The following BARD1 variants were observed in gnomAD, a reference collection of about 807,000 sequenced individuals.
The protein encoded by BARD1 is BRCA1-associated RING domain protein 1.
BARD1 carries 73 observed loss-of-function variants against 77.0 expected under a neutral mutation model. That is an observed-to-expected ratio of 0.95 (90% confidence interval 0.79 to 1.15). The LOEUF is 1.15. Ranked by LOEUF, BARD1 falls within the 50% of genes most tolerant of loss-of-function variation. BARD1 has a pLI of 0.00. For synonymous variants in BARD1, 384 were observed against 338.0 expected (o/e 1.14, Z -1.49); for missense variants, 993 against 938.8 (o/e 1.06, Z -0.75).
chr2:214,763,137 T>C (rs1325869762), intron 6 of BARD1, among the ~76,000 whole-genome samples: 1 of 152,200 alleles, frequency 6.6e-6, no homozygotes, highest in Non-Finnish European at 1.5e-5. Context: ...GAAGAAGCAG[T>C]CTGGCCTTGA....
chr2:214,767,680 T>G (rs1694280991), intron 5 of BARD1, 26 bp from the exon 6 acceptor site: 2 of 1,605,034 alleles, frequency 1.2e-6, no homozygotes, highest in Middle Eastern at 1.7e-4. Context: ...GAAAAAGAAG[T>G]GAAAGAAGTG....
chr2:214,809,661 C>G lies in BARD1; in HGVS notation c.-92G>C. 1 of 1,477,086 alleles carries G rather than the reference C, an allele frequency of 6.8e-7. No homozygotes were observed. Among genetic ancestry groups the G allele is most frequent in the Non-Finnish European group, 9.1e-7 (1 of 1,098,226 alleles). The allele number at this position is 1,477,086 out of a possible 1,614,324, so 91.5% of individuals were successfully genotyped here. ...GAAGCTGCAGGCCAGCGACTCGAAACCGGCCAAGCTCTTCCCGCGTCTGGG... is the reference window on the plus strand; with the variant it reads ...GAAGCTGCAGGCCAGCGACTCGAAAGCGGCCAAGCTCTTCCCGCGTCTGGG... On this transcript the variant is annotated 5_prime_UTR_variant, in exon 1 of 11. Transcript: ENST00000260947.
chr2:214,791,130 AAAGT>A lies in BARD1; in HGVS notation c.364+1163_364+1166del, dbSNP rs374608993. ...AAATGTGTGTGTATAGTTACATCTG[AAAGT>A]AAGAAAAACTTCTGCACTACAGCAC... On this transcript the variant is annotated intron_variant, in intron 3 of 10. Transcript: ENST00000260947. Among the ~76,000 whole-genome samples, 925 of 152,306 alleles carry A rather than the reference AAAGT, an allele frequency of 6.1e-3. 11 individuals are homozygous for A. Among genetic ancestry groups the A allele is most frequent in the African/African-American group, 0.02 (836 of 41,574 alleles).
intron 7 of BARD1, among the ~76,000 whole-genome samples, chr2:214,751,134 TATATATATATA>T (rs1693410440): frequency 2.3e-5 from 1 of 42,966 alleles, no homozygotes; most frequent in East Asian, 5.6e-4. Flanking sequence ...TATATATATA[TATATATATATA>T]TATATATTTT....
rs1262122385 is a variant in BARD1, at chr2:214,752,465, T to C, written c.1659A>G (p.Ser553=). The change falls in exon 7 of 11, where the codon TCA becomes TCG. Residue 553 remains serine, a synonymous_variant. Transcript: ENST00000260947. ...LLLPEKNESS[S]ASHCSVMNTG... ...TACTTACTACTGAGCAGTGGCTAGC[T>C]GAGGATGATTCATTCTTCTCTGGTA... The C allele has an allele frequency of 6.2e-7, 1 of 1,612,490 alleles. No individual in the cohort carries two copies. Among genetic ancestry groups the C allele is most frequent in the South Asian group, 1.1e-5 (1 of 91,044 alleles).
chr2:214,726,378 T>C lies in BARD1; in HGVS notation c.*2298A>G, dbSNP rs542528877. 8 of 206,522 alleles carry C rather than the reference T, an allele frequency of 3.9e-5. No homozygotes were observed. The highest frequency in any genetic ancestry group is 1.6e-4 in the African/African-American group (7 of 44,128). The allele number at this position is 206,522 out of a possible 1,614,324, so 12.8% of individuals were successfully genotyped here. ...GGAAAAGCTACCAGCCTCTCACTTT[T>C]AGAGACACAAAGCAATCAGTGTGTA... On this transcript the variant is annotated 3_prime_UTR_variant, in exon 11 of 11. Coordinates refer to ENST00000260947, the MANE Select transcript of BARD1 (RefSeq NM_000465.4).
intron 4 of BARD1, among the ~76,000 whole-genome samples, chr2:214,771,046 T>C (rs984225367): frequency 5.9e-5 from 9 of 152,200 alleles, no homozygotes; most frequent in African/African-American, 2.2e-4. Context: ...TAAAACAATG[T>C]CAGGCTTTAG....
intron 1 of BARD1, 53 bp downstream of exon 1, chr2:214,809,359 G>C: frequency 6.2e-7 from 1 of 1,606,154 alleles, no homozygotes; most frequent in Non-Finnish European, 8.5e-7. Context: ...GCCGCCCCCA[G>C]AAACTGTGCG....
At position 214,728,537 on chromosome 2, in the gene BARD1, C is replaced by CGT. The variant is rs33960630; in HGVS notation, c.*138_*139insAC. 3.6e-6 allele frequency: 2 copies of CGT among 552,120 alleles called. No homozygotes were observed. The highest frequency in any genetic ancestry group is 4.0e-5 in the African/African-American group (2 of 50,006). The allele number at this position is 552,120 out of a possible 1,614,324, so 34.2% of individuals were successfully genotyped here. A position where few individuals can be genotyped will look rare whatever the true frequency, so the allele number is the denominator to read the frequency against. Reference sequence around the variant, plus strand: ...CATGAATTCCTAATCTGGCATTAGACTTTTTTTTTTTTTTTGATTCAAAGA... The same window carrying CGT: ...CATGAATTCCTAATCTGGCATTAGACGTTTTTTTTTTTTTTTTGATTCAAAGA... On this transcript the variant is annotated 3_prime_UTR_variant, in exon 11 of 11. Coordinates refer to ENST00000260947, the MANE Select transcript of BARD1 (RefSeq NM_000465.4).
intron 6 of BARD1, among the ~76,000 whole-genome samples, chr2:214,766,676 C>T (rs1276313630): frequency 1.3e-5 from 2 of 152,184 alleles, no homozygotes; most frequent in Non-Finnish European, 2.9e-5. Context: ...ATAGTATTTA[C>T]TTGTAAACTA....
At chr2:214,798,934 T>C (rs1695886131) in intron 1 of BARD1, among the ~76,000 whole-genome samples, 3 of 151,896 alleles carry the variant, frequency 2.0e-5, no homozygotes, top group Admixed American at 2.0e-4. Context: ...CTGGGCAACA[T>C]GGTGAAACCC....
chr2:214,775,269 G>C (rs1694688784), intron 4 of BARD1, among the ~76,000 whole-genome samples: 1 of 152,152 alleles, frequency 6.6e-6, no homozygotes, highest in African/African-American at 2.4e-5. Context: ...TAAGAGATGA[G>C]TGACTCTTCC....
intron 7 of BARD1, among the ~76,000 whole-genome samples, chr2:214,749,640 C>T (rs1157477604): frequency 6.6e-6 from 1 of 152,116 alleles, no homozygotes; most frequent in East Asian, 1.9e-4. Flanking sequence ...CTTGGTTATG[C>T]TATGCTCTGT....
intron 1 of BARD1, among the ~76,000 whole-genome samples, chr2:214,798,697 C>A (rs111389694): frequency 1.4e-4 from 20 of 147,912 alleles, no homozygotes; most frequent in African/African-American, 5.0e-4. Context: ...GGATGCCAAT[C>A]TATAATGCTA....
In BARD1 at chr2:214,767,578, C is replaced by T. The variant is rs746790865; in HGVS notation, c.1472G>A (p.Gly491Glu). 1 of 1,613,980 alleles carries T rather than the reference C, an allele frequency of 6.2e-7. No individual in the cohort carries two copies. The highest frequency in any genetic ancestry group is 1.1e-5 in the South Asian group (1 of 91,076). The stretch of plus-strand genomic sequence containing the variant: ...GTGAAGTGGTGAGTCATTTTGATAC[C>T]CGGTGGTGTTCACCAATGCCTTATG... ...LQHKALVNTT[G>E]YQNDSPLHDA... The change falls in exon 6 of 11, where the codon GGG becomes GAG. Residue 491 changes from glycine to glutamate, a missense_variant. Coordinates refer to ENST00000260947, the MANE Select transcript of BARD1 (RefSeq NM_000465.4).
intron 6 of BARD1, among the ~76,000 whole-genome samples, chr2:214,754,831 A>T (rs973372352): frequency 3.3e-5 from 5 of 152,190 alleles, no homozygotes; most frequent in African/African-American, 1.2e-4. Context: ...ACAGATGGAA[A>T]GATAATCAGT....
chr2:214,771,557 G>A (rs563509835), intron 4 of BARD1, among the ~76,000 whole-genome samples: 15 of 151,876 alleles, frequency 9.9e-5, no homozygotes, highest in South Asian at 4.2e-4. Context: ...GTGAAATCCC[G>A]TCTCTCCTAA....
At chr2:214,802,604 T>C (rs1696075865) in intron 1 of BARD1, among the ~76,000 whole-genome samples, 1 of 152,180 alleles carries the variant, frequency 6.6e-6, no homozygotes, top group African/African-American at 2.4e-5. Flanking sequence ...CACCATTACC[T>C]ACCTAGCATG....
At chr2:214,743,234 T>G (rs1692930178) in intron 9 of BARD1, among the ~76,000 whole-genome samples, 1 of 152,176 alleles carries the variant, frequency 6.6e-6, no homozygotes, top group Non-Finnish European at 1.5e-5. Context: ...GGAAACTGTT[T>G]TACAAACCAA....
Sources: gnomAD v4.1 joint callset for allele counts (sites outside exome capture counted in the v4.1 genomes callset) on GRCh38, gnomAD v4.1.1 for gene constraint, MANE v1.5 for transcripts, NCBI Gene and HGNC (gene_info 2026-07-23, HGNC 2026-07-21) for gene names.